PTPRT: variants seen among roughly 807,000 people sequenced by gnomAD.
The protein encoded by PTPRT is protein tyrosine phosphatase receptor type T, also known as receptor-type tyrosine-protein phosphatase T.
In PTPRT, 56 loss-of-function variants were observed where a neutral mutation model predicts 176.8. The ratio of observed to expected loss-of-function variants is 0.32; its 90% confidence interval spans 0.26 to 0.40. PTPRT has a LOEUF of 0.40. Among genes scored for constraint, PTPRT ranks in the 10% least tolerant of loss-of-function variants. PTPRT has a pLI of 1.00. For synonymous variants in PTPRT, 783 were observed against 739.0 expected (o/e 1.06, Z -0.96); for missense variants, 1,540 against 1,908.2 (o/e 0.81, Z 3.60).
At chr20:42,238,234 C>A (rs545085033) in intron 14 of PTPRT, among the ~76,000 whole-genome samples, 1 of 152,192 alleles carries the variant, frequency 6.6e-6, no homozygotes, top group Non-Finnish European at 1.5e-5. Context: ...AAGCCCAACC[C>A]TACACACCCA....
chr20:43,101,422 T>C (rs948857322), intron 1 of PTPRT, among the ~76,000 whole-genome samples: 3 of 152,118 alleles, frequency 2.0e-5, no homozygotes, highest in Admixed American at 6.5e-5. Flanking sequence ...TGCAATGATC[T>C]GAGGCAACAC....
intron 1 of PTPRT, among the ~76,000 whole-genome samples, chr20:43,165,905 C>T (rs931291003): frequency 4.6e-5 from 7 of 152,106 alleles, no homozygotes; most frequent in South Asian, 2.1e-4. Flanking sequence ...AAAAGCTCTA[C>T]GGGGCAAGGC....
At chr20:42,819,831 A>G (rs770717138) in intron 2 of PTPRT, among the ~76,000 whole-genome samples, 2 of 152,236 alleles carry the variant, frequency 1.3e-5, no homozygotes, top group Non-Finnish European at 2.9e-5. Flanking sequence ...GAAAGGCATT[A>G]CATAATGGTA....
At chr20:43,042,218 A>C (rs1383989716) in intron 1 of PTPRT, among the ~76,000 whole-genome samples, 1 of 152,220 alleles carries the variant, frequency 6.6e-6, no homozygotes, top group Non-Finnish European at 1.5e-5. Flanking sequence ...GTGGTGTCAT[A>C]GCTCCAGCAC....
chr20:42,356,072 G>A (rs2058354405), intron 9 of PTPRT, among the ~76,000 whole-genome samples: 1 of 152,112 alleles, frequency 6.6e-6, no homozygotes, highest in East Asian at 1.9e-4. Context: ...AACAGTCTTT[G>A]AAAAATTTAA....
intron 1 of PTPRT, among the ~76,000 whole-genome samples, chr20:43,184,393 A>T (rs2015338372): frequency 6.6e-6 from 1 of 152,154 alleles, no homozygotes; most frequent in Admixed American, 6.5e-5. Context: ...TTGAAGATAA[A>T]ATAGGCCCTA....
intron 1 of PTPRT, among the ~76,000 whole-genome samples, chr20:42,974,473 GCA>G (rs143734801): frequency 1.2e-3 from 174 of 149,784 alleles, no homozygotes; most frequent in African/African-American, 2.9e-3. Context: ...GTGCACGCGC[GCA>G]CACACACACA....
chr20:43,075,319 C>T (rs1441247656), intron 1 of PTPRT, among the ~76,000 whole-genome samples: 2 of 152,276 alleles, frequency 1.3e-5, no homozygotes, highest in African/African-American at 4.8e-5. Flanking sequence ...CTCCATCTAC[C>T]TGGCACGGTG....
At chr20:43,061,950 A>G (rs1421921068) in intron 1 of PTPRT, among the ~76,000 whole-genome samples, 1 of 152,224 alleles carries the variant, frequency 6.6e-6, no homozygotes, top group African/African-American at 2.4e-5. Context: ...CTGATACAAC[A>G]ATGGGTGAAG....
Position 42,139,366 on chromosome 20 carries a change from A to G in PTPRT, c.2770+2549T>C, listed in dbSNP as rs551262121. Among the ~76,000 whole-genome samples the G allele has an allele frequency of 9.8e-5, 15 of 152,292 alleles. 1 individual carries two copies. The highest frequency in any genetic ancestry group is 3.6e-4 in the African/African-American group (15 of 41,566). Reference sequence around the variant, plus strand: ...TGGGTTCCTCAGAAGTAGATCTAAGACAGAGATTTTAGTCCAAGCAGTTTA... The same window carrying G: ...TGGGTTCCTCAGAAGTAGATCTAAGGCAGAGATTTTAGTCCAAGCAGTTTA... On this transcript the variant is annotated intron_variant, in intron 18 of 30. Coordinates refer to ENST00000373187, the MANE Select transcript of PTPRT (RefSeq NM_007050.6).
intron 14 of PTPRT, among the ~76,000 whole-genome samples, chr20:42,239,041 T>C (rs1427061680): frequency 6.6e-6 from 1 of 152,218 alleles, no homozygotes; most frequent in Admixed American, 6.5e-5. Context: ...AAATTGATAT[T>C]AGATTATATT....
intron 7 of PTPRT, among the ~76,000 whole-genome samples, chr20:42,550,641 CACAG>C (rs1460883997): frequency 6.6e-6 from 1 of 152,054 alleles, no homozygotes; most frequent in Non-Finnish European, 1.5e-5. Context: ...TGGCTCCTGG[CACAG>C]ACATTTATTG....
intron 7 of PTPRT, among the ~76,000 whole-genome samples, chr20:42,614,283 AAC>A (rs756611775): frequency 6.6e-6 from 1 of 152,084 alleles, no homozygotes; most frequent in South Asian, 2.1e-4. Flanking sequence ...GAACACCCCC[AAC>A]ACACACACCT....
chr20:43,031,142 T>C (rs1428920440), intron 1 of PTPRT, among the ~76,000 whole-genome samples: 1 of 152,112 alleles, frequency 6.6e-6, no homozygotes, highest in Non-Finnish European at 1.5e-5. Context: ...AGGCTTTGGA[T>C]ATGGGTTACC....
chr20:42,437,556 T>A (rs2059273355), intron 9 of PTPRT, among the ~76,000 whole-genome samples: 2 of 152,220 alleles, frequency 1.3e-5, no homozygotes, highest in African/African-American at 4.8e-5. Context: ...ACATGGTATG[T>A]ATGTATGTAT....
chr20:42,167,229 C>T (rs1035650311), intron 16 of PTPRT, among the ~76,000 whole-genome samples: 3 of 152,174 alleles, frequency 2.0e-5, no homozygotes, highest in African/African-American at 7.2e-5. Context: ...TGAGAATCCA[C>T]ACACTAGAGA....
At position 42,087,611 on chromosome 20, in the gene PTPRT, T is replaced by C. The variant is rs1389126448; in HGVS notation, c.3847-1758A>G. On this transcript the variant is annotated intron_variant, in intron 27 of 30. Coordinates refer to ENST00000373187, the MANE Select transcript of PTPRT (RefSeq NM_007050.6). ...GAGATGGAGGCTGGGTGCGGTGGCTTACGCCTGTAATCCCAGCACTTTGGG... is the reference window on the plus strand; with the variant it reads ...GAGATGGAGGCTGGGTGCGGTGGCTCACGCCTGTAATCCCAGCACTTTGGG... Among the ~76,000 whole-genome samples, 8 of 148,962 alleles carry C rather than the reference T, an allele frequency of 5.4e-5. No homozygotes were observed. The East Asian group carries it at 1.5e-3, about 28-fold the overall frequency.
chr20:42,505,985 T>G (rs2071837054), intron 7 of PTPRT, among the ~76,000 whole-genome samples: 1 of 152,110 alleles, frequency 6.6e-6, no homozygotes. Flanking sequence ...GCCCCTTTCC[T>G]CCCGCGTTGT....
At chr20:42,232,254 G>A (rs2056148299) in intron 15 of PTPRT, among the ~76,000 whole-genome samples, 1 of 152,172 alleles carries the variant, frequency 6.6e-6, no homozygotes, top group Non-Finnish European at 1.5e-5. Flanking sequence ...TGAAATCAGT[G>A]TTTATTCATT....
Sources: allele counts gnomAD v4.1 joint callset (sites outside exome capture counted in the v4.1 genomes callset), GRCh38; gene constraint gnomAD v4.1.1; transcripts MANE v1.5; gene names NCBI Gene and HGNC (gene_info 2026-07-23, HGNC 2026-07-21).